The following IQCH variants were observed in gnomAD, a reference collection of about 807,000 sequenced individuals.
The protein encoded by IQCH is IQ motif containing H.
IQCH carries 98 observed loss-of-function variants against 117.0 expected under a neutral mutation model. The observed-to-expected ratio is 0.84, with a 90% CI of 0.71 to 0.99. IQCH has a LOEUF of 0.99. Ranked by LOEUF, IQCH falls within the 50% of genes least tolerant of loss-of-function variation. The pLI is 0.00. For missense variants in IQCH, 1,102 were observed against 1,243.8 expected, an observed-to-expected ratio of 0.89 and a Z score of 1.72; for synonymous variants, 412 against 448.2, an observed-to-expected ratio of 0.92 and a Z score of 1.02.
chr15:67,462,323 G>A (rs1340390346), intron 16 of IQCH, among the ~76,000 whole-genome samples: 21 of 151,582 alleles, frequency 1.4e-4, no homozygotes, highest in Admixed American at 2.0e-4. Context: ...CAGCTACTCC[G>A]GAGGCTGAGG....
At chr15:67,324,422 C>G (rs1214684832) in intron 4 of IQCH, among the ~76,000 whole-genome samples, 1 of 151,568 alleles carries the variant, frequency 6.6e-6, no homozygotes, top group South Asian at 2.1e-4. Context: ...CCAACCTGGC[C>G]AACATGACAA....
rs1463706687 is a variant in IQCH, at chr15:67,473,308, C to T, written c.2677-2388C>T. ...GCCCAGTATGGCAGGGCGAGCAGGC[C>T]TTGTGGCCATGCCCTTCCAGACAGA... On this transcript the variant is annotated intron_variant, in intron 17 of 20. Transcript: ENST00000335894. This position sits in a 1 kb window ranked among gnomAD's most constrained non-coding sequence, Gnocchi z 4.9. 6.6e-6 allele frequency among the ~76,000 whole-genome samples: 1 copy of T among 152,232 alleles called. No homozygotes were observed. The highest frequency in any genetic ancestry group is 1.5e-5 in the Non-Finnish European group (1 of 68,036).
chr15:67,355,315 G>A (rs972725633), intron 6 of IQCH, among the ~76,000 whole-genome samples: 1 of 152,048 alleles, frequency 6.6e-6, no homozygotes, highest in Non-Finnish European at 1.5e-5. Flanking sequence ...GGCCGGGCGC[G>A]GTGGCTCACG....
intron 10 of IQCH, among the ~76,000 whole-genome samples, chr15:67,379,798 C>T (rs1400417556): frequency 1.3e-5 from 2 of 152,174 alleles, no homozygotes; most frequent in Non-Finnish European, 2.9e-5. Flanking sequence ...CTGAAGCCTC[C>T]CCAGTCATGT....
rs540782393 is a variant in IQCH, at chr15:67,443,310, G to C, written c.2505+21733G>C. Among the ~76,000 whole-genome samples, 1 of 152,156 alleles carries C rather than the reference G, an allele frequency of 6.6e-6. No homozygotes were observed. Among genetic ancestry groups the C allele is most frequent in the African/African-American group, 2.4e-5 (1 of 41,456 alleles). ...CCCAGCCTGGAGACTGTTATTCTAAGTGAAGTAACTCAGGAATGGAAAACC... is the reference window on the plus strand; with the variant it reads ...CCCAGCCTGGAGACTGTTATTCTAACTGAAGTAACTCAGGAATGGAAAACC... On this transcript the variant is annotated intron_variant, in intron 16 of 20. Coordinates refer to ENST00000335894, the MANE Select transcript of IQCH (RefSeq NM_001031715.3). The surrounding 1 kb of genome is among the most constrained non-coding windows in gnomAD (Gnocchi z 5.0).
chr15:67,258,545 A>AG (rs1965329106), intron 1 of IQCH, among the ~76,000 whole-genome samples: 1 of 151,144 alleles, frequency 6.6e-6, no homozygotes, highest in Non-Finnish European at 1.5e-5. Context: ...AAAAAAAAAA[A>AG]GAATGAAGTT....
intron 17 of IQCH, among the ~76,000 whole-genome samples, chr15:67,470,848 C>A (rs894858790): frequency 6.6e-6 from 1 of 152,184 alleles, no homozygotes; most frequent in Non-Finnish European, 1.5e-5. Flanking sequence ...GTCTATATAT[C>A]CTTTCAGAGC....
chr15:67,363,184 AAAAC>A (rs530410933), intron 8 of IQCH, among the ~76,000 whole-genome samples: 148 of 152,304 alleles, frequency 9.7e-4, no homozygotes, highest in Admixed American at 4.4e-3. Flanking sequence ...CACGGAAAAA[AAAAC>A]AAACAAACAA....
intron 3 of IQCH, among the ~76,000 whole-genome samples, chr15:67,269,132 G>A (rs1272716519): frequency 1.3e-5 from 2 of 151,790 alleles, no homozygotes; most frequent in East Asian, 3.9e-4. Context: ...TAATGCCACT[G>A]GTAACTGATG....
At chr15:67,400,424 C>T (rs1971608707) in intron 14 of IQCH, 119 bp downstream of exon 14, 2 of 634,146 alleles carry the variant, frequency 3.2e-6, no homozygotes, top group South Asian at 4.6e-5. Context: ...CACCTGCCAG[C>T]AGTGCCTTTC....
intron 15 of IQCH, among the ~76,000 whole-genome samples, chr15:67,418,628 G>C (rs1453428695): frequency 4.0e-5 from 6 of 148,670 alleles, no homozygotes; most frequent in Non-Finnish European, 5.9e-5. Flanking sequence ...GCCCAGGCTG[G>C]AGTGCAATGG....
chr15:67,460,732 T>G (rs1028001836), intron 16 of IQCH, among the ~76,000 whole-genome samples: 2 of 152,234 alleles, frequency 1.3e-5, no homozygotes, highest in African/African-American at 4.8e-5. Flanking sequence ...TACTCACCTC[T>G]GACACCTGGT....
intron 4 of IQCH, among the ~76,000 whole-genome samples, chr15:67,295,530 G>A (rs1365544482): frequency 1.3e-5 from 2 of 152,148 alleles, no homozygotes; most frequent in Non-Finnish European, 2.9e-5. Context: ...TCTTAGACCA[G>A]GAAGGGTAGG....
intron 16 of IQCH, among the ~76,000 whole-genome samples, chr15:67,464,674 T>A (rs778060580): frequency 3.9e-5 from 6 of 152,200 alleles, no homozygotes; most frequent in Non-Finnish European, 8.8e-5. Context: ...AGAGGGGCTG[T>A]CACTGCTTTT....
chr15:67,394,918 T>A (rs952904009), intron 12 of IQCH, among the ~76,000 whole-genome samples: 12 of 152,286 alleles, frequency 7.9e-5, no homozygotes, highest in African/African-American at 2.9e-4. Flanking sequence ...TTTTTCTTCA[T>A]TTTTTGTATT....
intron 5 of IQCH, among the ~76,000 whole-genome samples, chr15:67,338,756 C>A: frequency 6.6e-6 from 1 of 152,078 alleles, no homozygotes; most frequent in South Asian, 2.1e-4. Flanking sequence ...TTCAGTTTGG[C>A]TCTGTGACTT....
chr15:67,399,687 CCAAA>C (rs1203548772), intron 13 of IQCH, among the ~76,000 whole-genome samples: 6 of 152,110 alleles, frequency 3.9e-5, no homozygotes, highest in African/African-American at 1.4e-4. Flanking sequence ...CAACAAAGCC[CCAAA>C]CAGTTAAAGT....
intron 5 of IQCH, among the ~76,000 whole-genome samples, chr15:67,341,043 C>G (rs1016286347): frequency 6.6e-6 from 1 of 151,970 alleles, no homozygotes; most frequent in Non-Finnish European, 1.5e-5. Flanking sequence ...AAAACCGCAA[C>G]CCCGACAAAA....
At chr15:67,392,637 C>T (rs779712994) in intron 12 of IQCH, among the ~76,000 whole-genome samples, 2 of 151,776 alleles carry the variant, frequency 1.3e-5, no homozygotes, top group Non-Finnish European at 2.9e-5. Context: ...ATTAGCTGGG[C>T]ATGGTGGCAT....
Sources: allele counts gnomAD v4.1 joint callset (sites outside exome capture counted in the v4.1 genomes callset), GRCh38; gene constraint gnomAD v4.1.1; non-coding constraint Gnocchi (gnomAD v3.1); transcripts MANE v1.5; gene names NCBI Gene and HGNC (gene_info 2026-07-23, HGNC 2026-07-21).